Variants in RNMT observed in about 807,000 individuals in gnomAD.
The protein encoded by RNMT is RNA guanine-7 methyltransferase, also known as mRNA cap guanine-N(7) methyltransferase.
In RNMT, 27 loss-of-function variants were observed where a neutral mutation model predicts 56.0. The ratio of observed to expected loss-of-function variants is 0.48; its 90% CI spans 0.36 to 0.67. The LOEUF (loss-of-function observed/expected upper bound fraction) is 0.67, where lower values mean the gene tolerates loss of function less well. RNMT is among the 30% of genes least tolerant of loss of function. The pLI is 0.00. For synonymous variants in RNMT, 184 were observed against 176.2 expected (o/e 1.04, Z -0.35); for missense variants, 519 against 552.1 (o/e 0.94, Z 0.60).
intron 7 of RNMT, among the ~76,000 whole-genome samples, 172 bp from the exon 8 acceptor site, chr18:13,742,316 C>T (rs553403627): frequency 6.9e-6 from 1 of 145,836 alleles, no homozygotes; most frequent in African/African-American, 2.5e-5. Context: ...GCCTGAATGA[C>T]AGATTAAGAC....
Position 13,761,859 on chromosome 18 carries a change from C to A in RNMT, c.*1880C>A. 8.8e-7 allele frequency: 1 copy of A among 1,133,986 alleles called. No homozygotes were observed. Among genetic ancestry groups the A allele is most frequent in the Non-Finnish European group, 1.1e-6 (1 of 924,030 alleles). 70.2% of individuals were successfully genotyped at this position (1,133,986 alleles called of 1,614,324 possible). A position where few individuals can be genotyped will look rare whatever the true frequency, so the allele number is the denominator to read the frequency against. On this transcript the variant is annotated 3_prime_UTR_variant, in exon 12 of 12. Transcript: ENST00000383314. ...CCACCCTACACCCCCCTCCCCCCGG[C>A]CCCAAGCCCCTGTGTCTCCTTGTTA...
At chr18:13,737,258 T>G (rs1302438498) in intron 5 of RNMT, 123 bp downstream of exon 5, 15 of 878,592 alleles carry the variant, frequency 1.7e-5, no homozygotes, top group Non-Finnish European at 2.2e-5. Context: ...TTAAATTAAT[T>G]ACGGCCTGAC....
In RNMT at chr18:13,744,159, C is replaced by CTTTTTTTTTTTTTTTTTTTT. The variant is rs201093998; in HGVS notation, c.1139+1514_1139+1533dup. Among the ~76,000 whole-genome samples, 55 of 91,416 alleles carry CTTTTTTTTTTTTTTTTTTTT rather than the reference C, an allele frequency of 6.0e-4. 8 individuals are homozygous for CTTTTTTTTTTTTTTTTTTTT. The highest frequency in any genetic ancestry group is 7.0e-4 in the Non-Finnish European group (32 of 45,810). The allele number at this position is 91,416 out of a possible 152,430, so 60.0% of individuals were successfully genotyped here. On this transcript the variant is annotated intron_variant, in intron 8 of 11. Coordinates refer to ENST00000383314, the MANE Select transcript of RNMT (RefSeq NM_003799.3). ...ATGCTAAACAAGACCTAGCGGTCTT[C>CTTTTTTTTTTTTTTTTTTTT]TTTTTTTTTTTTTTTTTTTTTTTTT...
intron 11 of RNMT, among the ~76,000 whole-genome samples, chr18:13,758,351 C>T (rs2044576029): frequency 6.6e-6 from 1 of 152,186 alleles, no homozygotes; most frequent in African/African-American, 2.4e-5. Flanking sequence ...GTCTCGTCTT[C>T]ATTGAAGATC....
At chr18:13,733,360 C>T (rs889918400) in intron 3 of RNMT, among the ~76,000 whole-genome samples, 1 of 152,134 alleles carries the variant, frequency 6.6e-6, no homozygotes, top group Admixed American at 6.5e-5. Flanking sequence ...ATCACTAACG[C>T]TGCACATAGC....
intron 7 of RNMT, 45 bp from the exon 8 acceptor site, chr18:13,742,443 C>G (rs199918394): frequency 6.3e-7 from 1 of 1,577,212 alleles, no homozygotes; most frequent in East Asian, 2.3e-5. Context: ...CTACACTAAT[C>G]ACAATTTTAA....
chr18:13,743,373 T>C (rs1266296640), intron 8 of RNMT, among the ~76,000 whole-genome samples: 2 of 149,894 alleles, frequency 1.3e-5, no homozygotes, highest in Non-Finnish European at 1.5e-5. Context: ...AATAAATAAA[T>C]CAAAGATCCT....
At chr18:13,746,043 G>C (rs2044346904) in intron 8 of RNMT, among the ~76,000 whole-genome samples, 177 bp from the exon 9 acceptor site, 1 of 152,144 alleles carries the variant, frequency 6.6e-6, no homozygotes, top group Non-Finnish European at 1.5e-5. Flanking sequence ...TAGAATGCAT[G>C]TTTCTTTTAG....
In RNMT at chr18:13,762,004, C is replaced by T; in HGVS notation, c.*2025C>T. ...GAGCTAGTAGGACTCTTCCTTGACACACCTTGTCGTCTAAATGTTCGGTAT... is the reference window on the plus strand; with the variant it reads ...GAGCTAGTAGGACTCTTCCTTGACATACCTTGTCGTCTAAATGTTCGGTAT... On this transcript the variant is annotated 3_prime_UTR_variant, in exon 12 of 12. Coordinates refer to ENST00000383314, the MANE Select transcript of RNMT (RefSeq NM_003799.3). The T allele has an allele frequency of 1.3e-6, 2 of 1,535,874 alleles. No individual in the cohort carries two copies. Among genetic ancestry groups the T allele is most frequent in the Non-Finnish European group, 1.7e-6 (2 of 1,146,730 alleles).
At chr18:13,748,604 A>C (rs963909941) in intron 9 of RNMT, among the ~76,000 whole-genome samples, 2 of 152,192 alleles carry the variant, frequency 1.3e-5, no homozygotes, top group African/African-American at 4.8e-5. Flanking sequence ...TCAGCACTAG[A>C]ACCAGTACAA....
At chr18:13,747,674 G>A (rs2044375406) in intron 9 of RNMT, among the ~76,000 whole-genome samples, 1 of 152,166 alleles carries the variant, frequency 6.6e-6, no homozygotes, top group South Asian at 2.1e-4. Flanking sequence ...CTCCCACAAT[G>A]TTGAGTGGGA....
chr18:13,752,010 A>AT (rs1335698151), intron 9 of RNMT, among the ~76,000 whole-genome samples: 1 of 152,062 alleles, frequency 6.6e-6, no homozygotes, highest in Non-Finnish European at 1.5e-5. Flanking sequence ...TAGGAGAAAT[A>AT]CCTAATGTAA....
chr18:13,742,697 G>T, intron 8 of RNMT, 45 bp downstream of exon 8: 1 of 1,430,496 alleles, frequency 7.0e-7, no homozygotes, highest in South Asian at 1.3e-5. Context: ...TTGTCTTAAG[G>T]GAAAGAAAAG....
chr18:13,733,049 C>G (rs1221647970), intron 3 of RNMT, among the ~76,000 whole-genome samples: 7 of 152,156 alleles, frequency 4.6e-5, no homozygotes, highest in Non-Finnish European at 1.0e-4. Context: ...GCATGAGCCA[C>G]TGCGCCTGGC....
intron 4 of RNMT, among the ~76,000 whole-genome samples, chr18:13,735,389 T>A (rs2044141548): frequency 6.6e-6 from 1 of 152,200 alleles, no homozygotes; most frequent in South Asian, 2.1e-4. Flanking sequence ...CTAGGCTTAC[T>A]TTGAACACAT....
rs1011506893 is a variant in RNMT at position 13,741,811 on chromosome 18, A to G, written c.974+120A>G. 26 of 616,138 alleles carry G rather than the reference A, an allele frequency of 4.2e-5. No individual in the cohort carries two copies. The Middle Eastern group carries it at 1.8e-3, about 43-fold the overall frequency. The allele number at this position is 616,138 out of a possible 1,614,324, so 38.2% of individuals were successfully genotyped here. Reference sequence around the variant, plus strand: ...AATCTTATAAGTGTTGAACACTTTCATAAGATATTTGAGTAGACATTCAAA... The same window carrying G: ...AATCTTATAAGTGTTGAACACTTTCGTAAGATATTTGAGTAGACATTCAAA... On this transcript the variant is annotated intron_variant, in intron 7 of 11. Transcript: ENST00000383314.
chr18:13,752,044 A>G (rs1447691505), intron 9 of RNMT, among the ~76,000 whole-genome samples: 1 of 152,132 alleles, frequency 6.6e-6, no homozygotes, highest in Non-Finnish European at 1.5e-5. Flanking sequence ...GGGTGCAGCA[A>G]ACCAACATGG....
At chr18:13,740,126 A>T in intron 5 of RNMT, 41 bp from the exon 6 acceptor site, 1 of 1,195,156 alleles carries the variant, frequency 8.4e-7, no homozygotes, top group Non-Finnish European at 1.2e-6. Flanking sequence ...GATTTCTGGC[A>T]TTCTGTGTTG....
In RNMT at chr18:13,760,116, A is replaced by G; in HGVS notation, c.*137A>G. ...AGGATGCTGCCAGAAACTCCAATGT[A>G]GAAATTCAACATTTGCTGTCTGTGA... On this transcript the variant is annotated 3_prime_UTR_variant, in exon 12 of 12. Coordinates refer to ENST00000383314, the MANE Select transcript of RNMT (RefSeq NM_003799.3). The G allele has an allele frequency of 7.1e-7, 1 of 1,402,858 alleles. No individual in the cohort carries two copies. The highest frequency in any genetic ancestry group is 9.3e-7 in the Non-Finnish European group (1 of 1,074,168). 86.9% of individuals were successfully genotyped at this position (1,402,858 alleles called of 1,614,324 possible).
Sources: gnomAD v4.1 joint callset for allele counts (sites outside exome capture counted in the v4.1 genomes callset) on GRCh38, gnomAD v4.1.1 for gene constraint, MANE v1.5 for transcripts, NCBI Gene and HGNC (gene_info 2026-07-23, HGNC 2026-07-21) for gene names.